Variants in PCDHA2 observed in about 807,000 individuals in gnomAD.
The protein encoded by PCDHA2 is protocadherin alpha 2, also known as protocadherin alpha-2.
Under a neutral mutation model 66.0 loss-of-function variants are expected in PCDHA2, and 58 were observed. The observed-to-expected ratio is 0.88, with a 90% CI of 0.71 to 1.09. The LOEUF (loss-of-function observed/expected upper bound fraction) is 1.09, where lower values mean the gene tolerates loss of function less well. Among genes scored for constraint, PCDHA2 ranks in the 50% least tolerant of loss-of-function variants. The probability of loss-of-function intolerance (pLI) is 0.00; values close to 1 mark genes in which losing one functional copy is unlikely to be tolerated. For missense variants in PCDHA2, 1,267 were observed against 1,242.3 expected, an observed-to-expected ratio of 1.02 and a Z score of -0.30; for synonymous variants, 634 against 554.0, an observed-to-expected ratio of 1.14 and a Z score of -2.03.
intron 1 of PCDHA2, chr5:140,927,159 C>G (rs782468229): frequency 6.2e-7 from 1 of 1,614,046 alleles, no homozygotes; most frequent in Non-Finnish European, 8.5e-7. Context: ...TGTGCAGGGC[C>G]AAAGCTGCCT....
intron 1 of PCDHA2, chr5:140,828,110 G>A (rs2150151051): frequency 6.2e-7 from 1 of 1,611,644 alleles, no homozygotes; most frequent in African/African-American, 1.3e-5. Flanking sequence ...TACCCCGGAG[G>A]ATAGATTGGG....
chr5:140,967,997 C>T (rs551685820), intron 1 of PCDHA2: 1 of 1,614,102 alleles, frequency 6.2e-7, no homozygotes, highest in Non-Finnish European at 8.5e-7. Flanking sequence ...ACTGCCTTTC[C>T]GACTGAATGG....
Position 140,823,863 on chromosome 5 carries a change from C to A in PCDHA2, c.2388+26511C>A, listed in dbSNP as rs139591086. 8 of 1,613,882 alleles carry A rather than the reference C, an allele frequency of 5.0e-6. No individual in the cohort carries two copies. In the African/African-American group the frequency reaches 8.0e-5, roughly 16 times the overall value. On this transcript the variant is annotated intron_variant, in intron 1 of 3. Transcript: ENST00000526136. ...CCGAGGCTGCCCTGGTGGATGTCAA[C>A]GTGTACCTGATCATCGCCATCTGTG... is the stretch of plus-strand genomic sequence containing the variant.
At chr5:140,875,966 ACT>A (rs782792514) in intron 1 of PCDHA2, 11 of 1,613,922 alleles carry the variant, frequency 6.8e-6, no homozygotes, top group Admixed American at 6.7e-5. Context: ...ATCGGCGTAA[ACT>A]CTCTTTTGAC....
chr5:140,999,249 G>A (rs1162368060), intron 3 of PCDHA2, among the ~76,000 whole-genome samples: 1 of 152,066 alleles, frequency 6.6e-6, no homozygotes, highest in Non-Finnish European at 1.5e-5. Context: ...AGTGGGAGTT[G>A]GATTAGTAAA....
At chr5:140,890,747 G>C (rs2062780711) in intron 1 of PCDHA2, among the ~76,000 whole-genome samples, 1 of 152,024 alleles carries the variant, frequency 6.6e-6, no homozygotes, top group African/African-American at 2.4e-5. Context: ...TACTATTTCT[G>C]TCATGCTTTA....
rs2098422568 is a variant in PCDHA2 at position 141,011,988 on chromosome 5, C to A, written c.*2051C>A. ...AAACTGTCTTGTCTACTTTTAGCTTCATTCTCCCATATTTTGAAGGGTGTG... is the reference window on the plus strand; with the variant it reads ...AAACTGTCTTGTCTACTTTTAGCTTAATTCTCCCATATTTTGAAGGGTGTG... On this transcript the variant is annotated 3_prime_UTR_variant, in exon 4 of 4. Coordinates refer to ENST00000526136, the MANE Select transcript of PCDHA2 (RefSeq NM_018905.3). 6.5e-6 allele frequency: 1 copy of A among 153,688 alleles called. No individual in the cohort carries two copies. The highest frequency in any genetic ancestry group is 2.4e-5 in the African/African-American group (1 of 41,434). 9.5% of individuals were successfully genotyped at this position (153,688 alleles called of 1,614,324 possible). A position where few individuals can be genotyped will look rare whatever the true frequency, so the allele number is the denominator to read the frequency against.
intron 1 of PCDHA2, among the ~76,000 whole-genome samples, chr5:140,878,322 T>C (rs2057540228): frequency 6.6e-6 from 1 of 152,228 alleles, no homozygotes; most frequent in Non-Finnish European, 1.5e-5. Context: ...CATTTTCACA[T>C]TATATTCCAG....
intron 1 of PCDHA2, chr5:140,966,517 A>T (rs1285058359): frequency 4.6e-6 from 2 of 435,352 alleles, no homozygotes; most frequent in Non-Finnish European, 8.0e-6. Context: ...CAGCAGCAGG[A>T]AGCCGAGCCG....
intron 1 of PCDHA2, chr5:140,808,439 G>T: frequency 6.2e-7 from 1 of 1,614,184 alleles, no homozygotes; most frequent in Non-Finnish European, 8.5e-7. Flanking sequence ...CCGCGAGAGC[G>T]TGTCAGCCTA....
At chr5:140,988,471 G>A (rs1442408975) in intron 3 of PCDHA2, among the ~76,000 whole-genome samples, 1 of 152,078 alleles carries the variant, frequency 6.6e-6, no homozygotes, top group Non-Finnish European at 1.5e-5. Context: ...TGTGGGAAGG[G>A]GAATTAGCAT....
intron 1 of PCDHA2, chr5:140,822,281 AC>A (rs1562263769): frequency 1.2e-6 from 2 of 1,614,142 alleles, no homozygotes; most frequent in Non-Finnish European, 1.7e-6. Flanking sequence ...CAATTGAGAT[AC>A]AGGTTAAATC....
chr5:140,939,894 T>G (rs1554213013), intron 1 of PCDHA2, among the ~76,000 whole-genome samples: 2 of 152,220 alleles, frequency 1.3e-5, no homozygotes, highest in Non-Finnish European at 2.9e-5. Context: ...TGTTCAAATA[T>G]TCTGCATTCT....
At chr5:140,944,383 C>T (rs1344204416) in intron 1 of PCDHA2, among the ~76,000 whole-genome samples, 1 of 152,084 alleles carries the variant, frequency 6.6e-6, no homozygotes, top group African/African-American at 2.4e-5. Context: ...GATGGAGTCT[C>T]ACTGTGTTAT....
rs782428365 is a variant in PCDHA2 at position 140,927,400 on chromosome 5, C to T, written c.2389-51549C>T. 7 of 1,614,126 alleles carry T rather than the reference C, an allele frequency of 4.3e-6. No homozygotes were observed. In the South Asian group the frequency reaches 5.5e-5, roughly 13 times the overall value. On this transcript the variant is annotated intron_variant, in intron 1 of 3. Transcript: ENST00000526136. ...CAGCCTAAGCCCCAGTCAGCACTTT[C>T]GCCTGGACATGGGATCGCGGGTTGA...
chr5:140,900,566 G>A (rs1554189260), intron 1 of PCDHA2, among the ~76,000 whole-genome samples: 1 of 152,054 alleles, frequency 6.6e-6, no homozygotes, highest in Non-Finnish European at 1.5e-5. Flanking sequence ...CGTGAGCCAC[G>A]GCACCGGCCC....
intron 1 of PCDHA2, chr5:140,856,667 C>T: frequency 6.3e-7 from 1 of 1,597,938 alleles, no homozygotes; most frequent in Non-Finnish European, 8.6e-7. Context: ...AAATCCTCAG[C>T]TAAAGTTGTT....
chr5:140,929,541 G>A, intron 1 of PCDHA2: 6 of 542,944 alleles, frequency 1.1e-5, no homozygotes, highest in Non-Finnish European at 1.8e-5. Context: ...AGAAACAAGG[G>A]CAAAAATTAA....
chr5:140,856,991 T>C, intron 1 of PCDHA2: 1 of 1,595,770 alleles, frequency 6.3e-7, no homozygotes, highest in Non-Finnish European at 8.6e-7. Flanking sequence ...CAGTAACACT[T>C]ATGAAATTCA....
Sources: gnomAD v4.1 joint callset for allele counts (sites outside exome capture counted in the v4.1 genomes callset) on GRCh38, gnomAD v4.1.1 for gene constraint, MANE v1.5 for transcripts, NCBI Gene and HGNC (gene_info 2026-07-23, HGNC 2026-07-21) for gene names.